The following TOGARAM1 variants were observed in gnomAD, a reference collection of about 807,000 sequenced individuals.
TOGARAM1 encodes the protein TOG array regulator of axonemal microtubules protein 1.
In TOGARAM1, 100 loss-of-function variants were observed where a neutral mutation model predicts 166.6. The observed-to-expected ratio is 0.60, with a 90% CI of 0.51 to 0.71. The LOEUF is 0.71. TOGARAM1 is among the 30% of genes least tolerant of loss of function. The pLI is 0.00. For missense variants in TOGARAM1, 2,029 were observed against 2,102.7 expected (o/e 0.96, Z 0.69); for synonymous variants, 758 against 763.8 (o/e 0.99, Z 0.13).
At chr14:44,971,391 G>A (rs1885877092) in intron 1 of TOGARAM1, among the ~76,000 whole-genome samples, 1 of 152,056 alleles carries the variant, frequency 6.6e-6, no homozygotes, top group African/African-American at 2.4e-5. Context: ...TATGTGATTT[G>A]TAGTGATAGT....
chr14:45,001,100 G>T (rs1054956228), intron 3 of TOGARAM1, among the ~76,000 whole-genome samples: 4 of 152,092 alleles, frequency 2.6e-5, no homozygotes, highest in Non-Finnish European at 4.4e-5. Context: ...CTTCCCACCA[G>T]CAGTGTACAA....
chr14:44,964,027 G>T lies in TOGARAM1; in HGVS notation c.1606G>T (p.Val536Leu). The T allele has an allele frequency of 6.2e-7, 1 of 1,614,156 alleles. No individual in the cohort carries two copies. Among genetic ancestry groups the T allele is most frequent in the Non-Finnish European group, 8.5e-7 (1 of 1,180,000 alleles). ...VRQAALEAFA[V>L]LASSMGSGKT... Reference sequence around the variant, plus strand: ...CCAAGCAGCTTTAGAAGCTTTTGCCGTATTGGCATCATCAATGGGCTCAGG... The same window carrying T: ...CCAAGCAGCTTTAGAAGCTTTTGCCTTATTGGCATCATCAATGGGCTCAGG... The change falls in exon 1 of 20, where the codon GTA becomes TTA. Residue 536 changes from valine to leucine, a missense_variant. By Grantham distance (32) the Val-to-Leu change is conservative. This residue lies in a region of TOGARAM1 where 1,453 missense variants were observed against 1,432.2 expected (regional missense o/e 1.01). Coordinates refer to ENST00000361462, the MANE Select transcript of TOGARAM1 (RefSeq NM_001308120.2).
At chr14:45,004,624 GT>G (rs1307821564) in intron 4 of TOGARAM1, among the ~76,000 whole-genome samples, 4 of 152,178 alleles carry the variant, frequency 2.6e-5, no homozygotes, top group Admixed American at 2.6e-4. Context: ...TTGTTTGTTT[GT>G]TTGTAAATAG....
At chr14:45,037,780 C>A (rs932079670) in intron 11 of TOGARAM1, among the ~76,000 whole-genome samples, 18 of 151,710 alleles carry the variant, frequency 1.2e-4, no homozygotes, top group Admixed American at 2.6e-4. Flanking sequence ...GTAATCTCAA[C>A]ACTTTGGGAG....
At chr14:45,054,296 T>A in intron 15 of TOGARAM1, 135 bp from the exon 16 acceptor site, 1 of 588,578 alleles carries the variant, frequency 1.7e-6, no homozygotes, top group Non-Finnish European at 3.0e-6. Flanking sequence ...CTCATACTCT[T>A]TAAAGCATAT....
rs1489749112 is a variant in TOGARAM1 at position 45,028,341 on chromosome 14, T to A, written c.3658+12T>A. On this transcript the variant is annotated intron_variant, in intron 10 of 19. Coordinates refer to ENST00000361462, the MANE Select transcript of TOGARAM1 (RefSeq NM_001308120.2). ...AATGGCATCTGAAAGTAAGTGGAAT[T>A]TAAGTTTTGGTATTTTTTTTTTCTA... 2 of 1,580,536 alleles carry A rather than the reference T, an allele frequency of 1.3e-6. No individual in the cohort carries two copies. The highest frequency in any genetic ancestry group is 1.7e-6 in the Non-Finnish European group (2 of 1,171,462).
intron 16 of TOGARAM1, among the ~76,000 whole-genome samples, chr14:45,059,379 G>A (rs896492998): frequency 6.6e-6 from 1 of 152,192 alleles, no homozygotes; most frequent in African/African-American, 2.4e-5. Flanking sequence ...TGGGTGCAGT[G>A]GTATGCACCT....
chr14:45,052,323 T>A lies in TOGARAM1; in HGVS notation c.4314-113T>A. 3 of 776,114 alleles carry A rather than the reference T, an allele frequency of 3.9e-6. No individual in the cohort carries two copies. In the South Asian group the frequency reaches 6.1e-5, roughly 16 times the overall value. 48.1% of individuals were successfully genotyped at this position (776,114 alleles called of 1,614,324 possible). ...TCATGGTTATTTAATATAGGGATGGTAATCTTGATGTTTGATAGGTGTTTT... is the reference window on the plus strand; with the variant it reads ...TCATGGTTATTTAATATAGGGATGGAAATCTTGATGTTTGATAGGTGTTTT... On this transcript the variant is annotated intron_variant, in intron 14 of 19. Transcript: ENST00000361462.
intron 13 of TOGARAM1, among the ~76,000 whole-genome samples, chr14:45,045,652 T>C (rs1173189460): frequency 8.4e-6 from 1 of 118,582 alleles, no homozygotes; most frequent in Non-Finnish European, 1.7e-5. Context: ...TATATACATA[T>C]ATACACACAT....
intron 1 of TOGARAM1, among the ~76,000 whole-genome samples, chr14:44,970,670 G>A (rs150172110): frequency 2.3e-4 from 35 of 152,112 alleles, no homozygotes; most frequent in African/African-American, 8.0e-4. Context: ...TTATCTGTAT[G>A]CTTTCTTGTA....
At chr14:45,037,829 C>A (rs2138933918) in intron 11 of TOGARAM1, among the ~76,000 whole-genome samples, 1 of 150,866 alleles carries the variant, frequency 6.6e-6, no homozygotes, top group South Asian at 2.1e-4. Context: ...AGATTGAGAC[C>A]ATCCTGGTTA....
At chr14:44,992,906 C>T (rs973445778) in intron 1 of TOGARAM1, among the ~76,000 whole-genome samples, 9 of 151,486 alleles carry the variant, frequency 5.9e-5, no homozygotes, top group Admixed American at 2.0e-4. Flanking sequence ...CGTGAGCCAC[C>T]ATGCCCGGCC....
chr14:44,999,402 G>A lies in TOGARAM1; in HGVS notation c.2243G>A (p.Cys748Tyr). The change falls in exon 3 of 20, where the codon TGT becomes TAT. Residue 748 changes from cysteine (C) to tyrosine (Y), a missense_variant. Physicochemically the swap from Cys to Tyr is radical, Grantham distance 194. Transcript: ENST00000361462. ...CATCAAACAAATCTTTCTGGGAAAT[G>A]TGCACAACTTGGATTTTCACAAATA... Reference protein sequence around the residue: ...GTHQTNLSGKCAQLGFSQICG... With the variant: ...GTHQTNLSGKYAQLGFSQICG... 4 of 1,610,568 alleles carry A rather than the reference G, an allele frequency of 2.5e-6. No individual in the cohort carries two copies. Among genetic ancestry groups the A allele is most frequent in the Admixed American group, 1.7e-5 (1 of 59,898 alleles).
In TOGARAM1 at chr14:45,008,943, A is replaced by G; in HGVS notation, c.2935A>G (p.Ser979Gly). ...MHSSLRSLRNSAAKKRAKLSG... is the reference protein window; with the variant it reads ...MHSSLRSLRNGAAKKRAKLSG... ...TAGCTCTCTTAGGTCCCTTCGTAAT[A>G]GTGCAGCTAAGAAAAGAGCAAAACT... The change falls in exon 6 of 20, where the codon AGT becomes GGT. Residue 979 changes from serine to glycine, a missense_variant. Physicochemically the swap from Ser to Gly is moderately conservative, Grantham distance 56 (BLOSUM62 0). Coordinates refer to ENST00000361462, the MANE Select transcript of TOGARAM1 (RefSeq NM_001308120.2). 6.2e-7 allele frequency: 1 copy of G among 1,614,046 alleles called. No individual in the cohort carries two copies. The highest frequency in any genetic ancestry group is 8.5e-7 in the Non-Finnish European group (1 of 1,179,940).
intron 16 of TOGARAM1, among the ~76,000 whole-genome samples, chr14:45,057,080 G>A (rs1004757236): frequency 6.6e-6 from 1 of 152,016 alleles, no homozygotes; most frequent in African/African-American, 2.4e-5. Flanking sequence ...CAGGATTTCT[G>A]TTTCTTCCTA....
intron 18 of TOGARAM1, among the ~76,000 whole-genome samples, chr14:45,071,485 G>A (rs1883378167): frequency 6.6e-6 from 1 of 151,962 alleles, no homozygotes; most frequent in Non-Finnish European, 1.5e-5. Context: ...AGACTCCTGG[G>A]CTCAAATGAT....
intron 19 of TOGARAM1, among the ~76,000 whole-genome samples, chr14:45,073,010 A>G (rs1035660880): frequency 6.6e-6 from 1 of 152,174 alleles, no homozygotes; most frequent in Non-Finnish European, 1.5e-5. Flanking sequence ...AACTGTGTAC[A>G]TTTTTGTTTC....
intron 16 of TOGARAM1, among the ~76,000 whole-genome samples, chr14:45,056,249 C>T (rs778734499): frequency 3.3e-5 from 5 of 152,070 alleles, no homozygotes; most frequent in South Asian, 2.1e-4. Flanking sequence ...TTACTGAATT[C>T]GCTTATCAAA....
chr14:45,046,301 T>C (rs1275904381), intron 13 of TOGARAM1, among the ~76,000 whole-genome samples: 2 of 152,148 alleles, frequency 1.3e-5, no homozygotes, highest in Non-Finnish European at 2.9e-5. Context: ...CTGGGTGTGG[T>C]GGCACATGCC....
Sources: gnomAD v4.1 joint callset for allele counts (sites outside exome capture counted in the v4.1 genomes callset) on GRCh38, gnomAD v4.1.1 for gene constraint, gnomAD v4.1.1 regional missense constraint, MANE v1.5 for transcripts, NCBI Gene and HGNC (gene_info 2026-07-23, HGNC 2026-07-21) for gene names.